Variants in USP40 observed in about 807,000 individuals in gnomAD.
USP40 encodes ubiquitin carboxyl-terminal hydrolase 40.
A neutral mutation model predicts 166.2 loss-of-function variants in USP40; 143 were observed. That is an observed-to-expected ratio of 0.86 (90% CI 0.75 to 0.99). The LOEUF is 0.99. Among genes scored for constraint, USP40 ranks in the 50% least tolerant of loss-of-function variants. The probability of loss-of-function intolerance (pLI) is 0.00; values close to 1 mark genes in which losing one functional copy is unlikely to be tolerated. For synonymous variants in USP40, 498 were observed against 524.0 expected, an observed-to-expected ratio of 0.95 and a Z score of 0.68; for missense variants, 1,444 against 1,479.7, an observed-to-expected ratio of 0.98 and a Z score of 0.40.
At chr2:233,516,545 G>A (rs577331513) in intron 18 of USP40, among the ~76,000 whole-genome samples, 17 of 151,858 alleles carry the variant, frequency 1.1e-4, no homozygotes, top group Admixed American at 8.5e-4. Context: ...AAAATTAGCC[G>A]GGCCTGGTGG....
At chr2:233,566,056 A>G (rs565692266) in intron 1 of USP40, among the ~76,000 whole-genome samples, 2 of 151,942 alleles carry the variant, frequency 1.3e-5, no homozygotes, top group Admixed American at 6.6e-5. Context: ...AGTACTATAT[A>G]CCAGATTATG....
At chr2:233,512,648 T>TCTTAGTATATTATTTTC (rs770669789) in intron 18 of USP40, 26 bp from the exon 19 acceptor site, 3 of 1,350,218 alleles carry the variant, frequency 2.2e-6, no homozygotes, top group Admixed American at 2.5e-5. Context: ...ATATTATTTT[T>TCTTAGTATATTATTTTC]CTTAGAGAGC....
chr2:233,506,740 C>G (rs1022408538), intron 21 of USP40, among the ~76,000 whole-genome samples: 5 of 53,848 alleles, frequency 9.3e-5, no homozygotes, highest in Non-Finnish European at 2.2e-4. Context: ...ACCGAAAATA[C>G]AAAAAAAAAA....
chr2:233,507,861 C>T (rs540547971), intron 21 of USP40, among the ~76,000 whole-genome samples: 50 of 151,808 alleles, frequency 3.3e-4, no homozygotes, highest in Non-Finnish European at 6.5e-4. Flanking sequence ...CCAAGAAATG[C>T]TAAGTGCATG....
chr2:233,475,954 T>A lies in USP40; in HGVS notation c.*1438A>T, dbSNP rs2064164311. ...AGACGCAGTCTACACCCAGTGCGAG[T>A]CTCCTGAGCGGGGTTAGTGTTTGGG... On this transcript the variant is annotated 3_prime_UTR_variant, in exon 32 of 32. Transcript: ENST00000678225. 6.6e-6 allele frequency: 1 copy of A among 152,254 alleles called. No homozygotes were observed. Among genetic ancestry groups the A allele is most frequent in the African/African-American group, 2.4e-5 (1 of 41,400 alleles). 9.4% of individuals were successfully genotyped at this position (152,254 alleles called of 1,614,324 possible).
chr2:233,528,323 A>C (rs933038969), intron 12 of USP40, among the ~76,000 whole-genome samples: 8 of 152,076 alleles, frequency 5.3e-5, no homozygotes, highest in African/African-American at 1.9e-4. Flanking sequence ...CCGAGACCAC[A>C]TTATCCAGGC....
chr2:233,487,004 A>C (rs2064992092), intron 28 of USP40, among the ~76,000 whole-genome samples: 1 of 152,214 alleles, frequency 6.6e-6, no homozygotes, highest in African/African-American at 2.4e-5. Flanking sequence ...GGTCAAGGAC[A>C]GAAAAGCCCA....
chr2:233,487,084 G>GTGCCT (rs1238656762), intron 28 of USP40, among the ~76,000 whole-genome samples: 2 of 152,206 alleles, frequency 1.3e-5, no homozygotes, highest in Non-Finnish European at 2.9e-5. Context: ...ATCAAAACCT[G>GTGCCT]ACACAGCTTA....
chr2:233,509,940 T>A, intron 21 of USP40, 109 bp downstream of exon 21: 1 of 730,164 alleles, frequency 1.4e-6, no homozygotes, highest in Non-Finnish European at 2.3e-6. Context: ...AAGTACACCA[T>A]ATCAGGCCTA....
At chr2:233,488,201 C>A (rs144448963) in intron 28 of USP40, 38 bp downstream of exon 28, 1 of 1,552,612 alleles carries the variant, frequency 6.4e-7, no homozygotes, top group Non-Finnish European at 8.8e-7. Context: ...GGTTAAGATA[C>A]GTGTGTGTCA....
chr2:233,533,384 AC>A lies in USP40; in HGVS notation c.1471+94del. 3 of 1,301,294 alleles carry A rather than the reference AC, an allele frequency of 2.3e-6. No homozygotes were observed. In the South Asian group the frequency reaches 4.6e-5, roughly 20 times the overall value. The allele number at this position is 1,301,294 out of a possible 1,614,324, so 80.6% of individuals were successfully genotyped here. On this transcript the variant is annotated intron_variant, in intron 11 of 31. Transcript: ENST00000678225. ...ATATTTAAAAATGTTCCAAGAGTAA[AC>A]CTTTTTTTAAAAGAATAAAAATTCA...
rs2064194980 is a variant in USP40, at chr2:233,476,690, G to A, written c.*702C>T. The A allele has an allele frequency of 6.4e-6, 1 of 155,340 alleles. No homozygotes were observed. The highest frequency in any genetic ancestry group is 2.0e-4 in the South Asian group (1 of 5,048). 9.6% of individuals were successfully genotyped at this position (155,340 alleles called of 1,614,324 possible). A position where few individuals can be genotyped will look rare whatever the true frequency, so the allele number is the denominator to read the frequency against. On this transcript the variant is annotated 3_prime_UTR_variant, in exon 32 of 32. Coordinates refer to ENST00000678225, the MANE Select transcript of USP40 (RefSeq NM_001365479.2). ...GGACCTTCTGATCACAGAGCACCCA[G>A]GATAAGCTGGACCCTTGGCCTGCGG...
chr2:233,504,816 CAAAG>C (rs1270985704), intron 21 of USP40, among the ~76,000 whole-genome samples: 1 of 151,940 alleles, frequency 6.6e-6, no homozygotes, highest in African/African-American at 2.4e-5. Context: ...AGAAAATCAA[CAAAG>C]AAACATTAAA....
At chr2:233,513,933 G>A (rs1302931719) in intron 18 of USP40, among the ~76,000 whole-genome samples, 1 of 152,142 alleles carries the variant, frequency 6.6e-6, no homozygotes, top group African/African-American at 2.4e-5. Context: ...TTAGACCACA[G>A]CAGAATCCCT....
chr2:233,566,318 G>A (rs1056894117), intron 1 of USP40, among the ~76,000 whole-genome samples: 2 of 152,152 alleles, frequency 1.3e-5, no homozygotes, highest in African/African-American at 2.4e-5. Context: ...ACTTGGAGAT[G>A]AGAAACGTAA....
chr2:233,479,360 T>C (rs769147975), intron 31 of USP40, among the ~76,000 whole-genome samples: 4 of 152,068 alleles, frequency 2.6e-5, no homozygotes, highest in Non-Finnish European at 4.4e-5. Flanking sequence ...GTCAAGAGAT[T>C]GAGACCATCC....
At chr2:233,524,624 A>T in intron 14 of USP40, 62 bp from the exon 15 acceptor site, 7 of 1,288,368 alleles carry the variant, frequency 5.4e-6, no homozygotes, top group Non-Finnish European at 7.4e-6. Context: ...GAGCTAAAGA[A>T]AGAGCTGAGA....
At chr2:233,529,604 G>A in intron 11 of USP40, 92 bp from the exon 12 acceptor site, 1 of 813,832 alleles carries the variant, frequency 1.2e-6, no homozygotes. Context: ...ACTGTCCTAG[G>A]AGCTAGGAAA....
chr2:233,512,863 G>C (rs1402450406), intron 18 of USP40: 1 of 234,872 alleles, frequency 4.3e-6, no homozygotes, highest in Non-Finnish European at 8.2e-6. Context: ...TTGTGCAGTA[G>C]TGCAAGACTA....
Sources: allele counts gnomAD v4.1 joint callset (sites outside exome capture counted in the v4.1 genomes callset), GRCh38; gene constraint gnomAD v4.1.1; transcripts MANE v1.5; gene names NCBI Gene and HGNC (gene_info 2026-07-23, HGNC 2026-07-21).